The following TNS3 variants were observed in gnomAD, a reference collection of about 807,000 sequenced individuals.
TNS3 encodes tensin 3.
A neutral mutation model predicts 140.9 loss-of-function variants in TNS3; 45 were observed. The ratio of observed to expected loss-of-function variants is 0.32; its 90% confidence interval spans 0.25 to 0.41. TNS3 has a LOEUF of 0.41. Ranked by LOEUF, TNS3 falls within the 10% of genes least tolerant of loss-of-function variation. The pLI, the probability that TNS3 is intolerant of heterozygous loss-of-function variation, is 1.00. For synonymous variants in TNS3, 815 were observed against 788.4 expected, an observed-to-expected ratio of 1.03 and a Z score of -0.56; for missense variants, 1,716 against 1,906.7, an observed-to-expected ratio of 0.90 and a Z score of 1.86.
At chr7:47,323,826 A>G (rs573419407) in intron 20 of TNS3, among the ~76,000 whole-genome samples, 4 of 152,352 alleles carry the variant, frequency 2.6e-5, no homozygotes, top group Admixed American at 1.3e-4. Flanking sequence ...GGAGGGATAT[A>G]CTCAAAAATA....
At chr7:47,423,261 C>T (rs563111579) in intron 10 of TNS3, among the ~76,000 whole-genome samples, 1 of 152,220 alleles carries the variant, frequency 6.6e-6, no homozygotes, top group Admixed American at 6.5e-5. Context: ...CTACAAATTC[C>T]CTGCTGTGGG....
At chr7:47,567,703 AAG>A (rs1554358322) in intron 1 of TNS3, among the ~76,000 whole-genome samples, 1 of 148,994 alleles carries the variant, frequency 6.7e-6, no homozygotes, top group African/African-American at 2.4e-5. Context: ...AAAAAAAAAA[AAG>A]AAGTGAGACA....
intron 16 of TNS3, among the ~76,000 whole-genome samples, chr7:47,384,886 C>T (rs922527378): frequency 6.6e-6 from 1 of 152,204 alleles, no homozygotes; most frequent in Non-Finnish European, 1.5e-5. Flanking sequence ...GATGTGCATG[C>T]CTCTGAAATC....
rs1786655382 is a variant in TNS3, at chr7:47,304,894, A to C, written c.2760T>G (p.Phe920Leu). 1 of 1,419,842 alleles carries C rather than the reference A, an allele frequency of 7.0e-7. No individual in the cohort carries two copies. Among genetic ancestry groups the C allele is most frequent in the Admixed American group, 2.6e-5 (1 of 38,994 alleles). 88.0% of individuals were successfully genotyped at this position (1,419,842 alleles called of 1,614,324 possible). A position where few individuals can be genotyped will look rare whatever the true frequency, so the allele number is the denominator to read the frequency against. Residue 920 changes from phenylalanine (F) to leucine (L), a missense_variant, in exon 21 of 31, where the codon TTT becomes TTG. This residue lies in a region of TNS3 where 1,163 missense variants were observed against 1,182.1 expected (regional missense o/e 0.98). Coordinates refer to ENST00000311160, the MANE Select transcript of TNS3 (RefSeq NM_022748.12). ...TGCAGGAAGAAGCAAAAGCCTGCTG[A>C]AAGGAGGGCGTCGAGGACGCATCAG... Reference protein sequence around the residue: ...LRADASSTPSFQQAFASSCTI... With the variant: ...LRADASSTPSLQQAFASSCTI...
intron 17 of TNS3, among the ~76,000 whole-genome samples, chr7:47,356,431 C>T (rs1789997827): frequency 1.3e-5 from 2 of 152,202 alleles, no homozygotes; most frequent in Non-Finnish European, 2.9e-5. Flanking sequence ...GTCTGACATC[C>T]AGGCCCCACC....
intron 4 of TNS3, among the ~76,000 whole-genome samples, chr7:47,447,970 G>C (rs964696617): frequency 3.3e-5 from 5 of 152,236 alleles, no homozygotes; most frequent in Non-Finnish European, 4.4e-5. Flanking sequence ...CAAGGGAAGA[G>C]CCAAGCACAT....
intron 2 of TNS3, among the ~76,000 whole-genome samples, chr7:47,521,971 A>G (rs1226886000): frequency 6.6e-6 from 1 of 152,128 alleles, no homozygotes; most frequent in African/African-American, 2.4e-5. Flanking sequence ...GTTAGGAAGG[A>G]GGAATGGGAG....
At chr7:47,505,903 G>A (rs1389051675) in intron 3 of TNS3, among the ~76,000 whole-genome samples, 6 of 152,174 alleles carry the variant, frequency 3.9e-5, no homozygotes, top group Non-Finnish European at 7.3e-5. Context: ...GAAACCAGCC[G>A]CCCTAGTCCT....
At chr7:47,535,954 C>T (rs1227855623) in intron 1 of TNS3, among the ~76,000 whole-genome samples, 1 of 152,240 alleles carries the variant, frequency 6.6e-6, no homozygotes, top group Non-Finnish European at 1.5e-5. Flanking sequence ...CATTCAGGCA[C>T]CTGGGAAACC....
At chr7:47,300,236 G>C (rs1404955961) in intron 23 of TNS3, among the ~76,000 whole-genome samples, 1 of 152,096 alleles carries the variant, frequency 6.6e-6, no homozygotes, top group Non-Finnish European at 1.5e-5. Flanking sequence ...ACTCTGACAC[G>C]GGCAGTAGAA....
chr7:47,303,115 G>C lies in TNS3; in HGVS notation c.3292C>G (p.Leu1098Val), dbSNP rs188962919. 6.5e-3 allele frequency: 10,507 copies of C among 1,614,048 alleles called. 66 individuals are homozygous for C. The highest frequency in any genetic ancestry group is 7.4e-3 in the Non-Finnish European group (8,689 of 1,179,962). ...TCCGAGGCCCGCTTCTTCTCAGGGA[G>C]GGGTGGCTGCCCGGGCAGGGTCACA... ...QGVTLPGQPP[L>V]PEKKRASEGD... is the part of the protein sequence containing the mutation. The change falls in exon 22 of 31, where the codon CTC becomes GTC. Residue 1098 changes from leucine (L) to valine (V), a missense_variant. By Grantham distance (32) the Leu-to-Val change is conservative (BLOSUM62 1). Coordinates refer to ENST00000311160, the MANE Select transcript of TNS3 (RefSeq NM_022748.12).
intron 1 of TNS3, among the ~76,000 whole-genome samples, chr7:47,548,427 A>C (rs989621238): frequency 9.2e-5 from 14 of 152,060 alleles, no homozygotes; most frequent in African/African-American, 3.4e-4. Flanking sequence ...TCCAGAATCC[A>C]TGTTCAACCC....
At chr7:47,480,768 G>A (rs551523065) in intron 4 of TNS3, among the ~76,000 whole-genome samples, 60 of 152,282 alleles carry the variant, frequency 3.9e-4, no homozygotes, top group Admixed American at 7.8e-4. Flanking sequence ...CACTGTCCAG[G>A]TTTTTATCAC....
chr7:47,368,558 G>T lies in TNS3; in HGVS notation c.2088C>A (p.Asp696Glu). ...GCCTGTTGAGCTGCTCGATGGACTG[G>T]TCGATGTCCAGGGTGGGCGAGCCTG... The part of the protein sequence containing the change: ...PSPGSPTLDI[D>E]QSIEQLNRLI... Residue 696 changes from aspartate (D) to glutamate (E), a missense_variant, in exon 17 of 31, where the codon GAC becomes GAA. Physicochemically the swap from Asp to Glu is conservative, Grantham distance 45. Around this residue, in one of 3 missense-constraint regions of TNS3, gnomAD observed 1,163 missense variants for 1,182.1 expected, o/e 0.98. Coordinates refer to ENST00000311160, the MANE Select transcript of TNS3 (RefSeq NM_022748.12). 6.4e-7 allele frequency: 1 copy of T among 1,573,120 alleles called. No individual in the cohort carries two copies. The highest frequency in any genetic ancestry group is 1.7e-4 in the Middle Eastern group (1 of 5,878).
At chr7:47,304,062 C>T (rs1461024298) in intron 21 of TNS3, among the ~76,000 whole-genome samples, 2 of 152,242 alleles carry the variant, frequency 1.3e-5, no homozygotes, top group East Asian at 3.8e-4. Context: ...GGATGCCACC[C>T]ACATTCATCC....
chr7:47,522,939 G>A (rs1202665115), intron 2 of TNS3, among the ~76,000 whole-genome samples: 2 of 106,094 alleles, frequency 1.9e-5, no homozygotes, highest in Non-Finnish European at 4.4e-5. Flanking sequence ...AAAAAAAAAA[G>A]AGTTTCTATT....
intron 13 of TNS3, among the ~76,000 whole-genome samples, chr7:47,403,586 A>G (rs1373137931): frequency 6.6e-6 from 1 of 152,144 alleles, no homozygotes; most frequent in Admixed American, 6.5e-5. Flanking sequence ...CCTGTTTCAT[A>G]TTAAACCTCT....
At chr7:47,506,588 G>A (rs1221440668) in intron 3 of TNS3, among the ~76,000 whole-genome samples, 1 of 152,040 alleles carries the variant, frequency 6.6e-6, no homozygotes, top group Non-Finnish European at 1.5e-5. Flanking sequence ...TCTCTCCACC[G>A]AGAGGCAGTA....
rs569330724 is a variant in TNS3, at chr7:47,487,319, C to T, written c.-114-6178G>A. Reference sequence around the variant, plus strand: ...AAAGAAAAAAAAAAAAGAACTGAAGCGAGCACCCTCAAGTGTCAAGCATGC... The same window carrying T: ...AAAGAAAAAAAAAAAAGAACTGAAGTGAGCACCCTCAAGTGTCAAGCATGC... On this transcript the variant is annotated intron_variant, in intron 3 of 30. Coordinates refer to ENST00000311160, the MANE Select transcript of TNS3 (RefSeq NM_022748.12). 5.3e-4 allele frequency among the ~76,000 whole-genome samples: 80 copies of T among 150,906 alleles called. 1 individual carries two copies. The highest frequency in any genetic ancestry group is 1.9e-3 in the African/African-American group (79 of 41,224).
Sources: allele counts gnomAD v4.1 joint callset (sites outside exome capture counted in the v4.1 genomes callset), GRCh38; gene constraint gnomAD v4.1.1; regional missense constraint gnomAD v4.1.1; transcripts MANE v1.5; gene names NCBI Gene and HGNC (gene_info 2026-07-23, HGNC 2026-07-21).